The following BRD10 variants were observed in gnomAD, a reference collection of about 807,000 sequenced individuals.
BRD10 encodes bromodomain containing 10, also known as uncharacterized bromodomain-containing protein 10.
chr9:5,981,486 T>C, the BRD10 span, among the ~76,000 whole-genome samples: 3 of 152,220 alleles, frequency 2.0e-5, no homozygotes, highest in Non-Finnish European at 2.9e-5. Flanking sequence ...CACTGACAGA[T>C]ACGACATCCA....
At chr9:5,936,735 T>A in the BRD10 span, among the ~76,000 whole-genome samples, 1 of 152,334 alleles carries the variant, frequency 6.6e-6, no homozygotes, top group African/African-American at 2.4e-5. Flanking sequence ...GATTTTTATA[T>A]CTTCTATAAT....
chr9:5,966,006 T>C, the BRD10 span, among the ~76,000 whole-genome samples: 1 of 152,200 alleles, frequency 6.6e-6, no homozygotes, highest in Non-Finnish European at 1.5e-5. Context: ...GGCCAATGTT[T>C]ACCCAGTATT....
the BRD10 span, among the ~76,000 whole-genome samples, chr9:5,941,124 A>T: frequency 1.3e-5 from 2 of 152,170 alleles, no homozygotes; most frequent in Admixed American, 1.3e-4. Flanking sequence ...AGGGGATTAT[A>T]TGAAAAACTT....
chr9:5,957,451 C>G, the BRD10 span, among the ~76,000 whole-genome samples: 1 of 152,118 alleles, frequency 6.6e-6, no homozygotes, highest in Non-Finnish European at 1.5e-5. Context: ...AACAATACAG[C>G]CAAGTAGGTA....
the BRD10 span, among the ~76,000 whole-genome samples, chr9:5,945,796 T>A: frequency 3.9e-4 from 59 of 152,060 alleles, no homozygotes; most frequent in East Asian, 0.01. Flanking sequence ...TTAAAAAAAA[T>A]TACTGCGAAA....
chr9:5,969,664 C>T, the BRD10 span, among the ~76,000 whole-genome samples: 1 of 152,146 alleles, frequency 6.6e-6, no homozygotes, highest in African/African-American at 2.4e-5. Flanking sequence ...CTGCCTCAGC[C>T]TCCCAAGTAG....
chr9:5,956,018 G>C, the BRD10 span, among the ~76,000 whole-genome samples: 2 of 151,994 alleles, frequency 1.3e-5, no homozygotes, highest in African/African-American at 4.8e-5. Context: ...AGAAAAAACT[G>C]AATGATCTTG....
chr9:5,963,636 C>T, the BRD10 span, among the ~76,000 whole-genome samples: 5 of 152,214 alleles, frequency 3.3e-5, no homozygotes, highest in East Asian at 3.9e-4. Flanking sequence ...GGAGGCATCA[C>T]GCTACCTGAC....
At chr9:5,995,955 AAGTCAAAAAGAAAAAC>A in the BRD10 span, among the ~76,000 whole-genome samples, 3 of 152,212 alleles carry the variant, frequency 2.0e-5, no homozygotes, top group Admixed American at 1.3e-4. Context: ...AAAATGTGAA[AAGTCAAAAAGAAAAAC>A]AGGAAAACTG....
At chr9:5,903,556 G>A in the BRD10 span, among the ~76,000 whole-genome samples, 1 of 152,112 alleles carries the variant, frequency 6.6e-6, no homozygotes, top group Non-Finnish European at 1.5e-5. Flanking sequence ...TTTACCTGCT[G>A]GCTTTGTGTT....
At chr9:5,932,807 T>C in the BRD10 span, among the ~76,000 whole-genome samples, 1 of 152,160 alleles carries the variant, frequency 6.6e-6, no homozygotes, top group Non-Finnish European at 1.5e-5. Flanking sequence ...ACAAAGACAA[T>C]TCCTAAAGAA....
the BRD10 span, among the ~76,000 whole-genome samples, chr9:5,995,094 T>C: frequency 6.6e-6 from 1 of 151,878 alleles, no homozygotes; most frequent in African/African-American, 2.4e-5. Context: ...AGAGACGGGG[T>C]TTCTCCATGT....
chr9:5,949,136 T>C, the BRD10 span, among the ~76,000 whole-genome samples: 1 of 152,180 alleles, frequency 6.6e-6, no homozygotes, highest in African/African-American at 2.4e-5. Flanking sequence ...GTTAAAAATA[T>C]TCATTTTAAG....
chr9:5,969,831 C>G, the BRD10 span, among the ~76,000 whole-genome samples: 1 of 152,206 alleles, frequency 6.6e-6, no homozygotes, highest in African/African-American at 2.4e-5. Context: ...CAGGCATGAG[C>G]TACTGTGCCC....
chr9:6,003,994 C>A, the BRD10 span, among the ~76,000 whole-genome samples: 1 of 152,156 alleles, frequency 6.6e-6, no homozygotes, highest in Non-Finnish European at 1.5e-5. Flanking sequence ...TTTGTAGTTT[C>A]CAGAAATACT....
the BRD10 span, chr9:5,954,173 T>C: frequency 9.2e-6 from 7 of 763,722 alleles, no homozygotes; most frequent in Non-Finnish European, 1.5e-5. Context: ...ACGCAGATCC[T>C]TGAAAGTTAA....
At chr9:5,964,060 C>A in the BRD10 span, among the ~76,000 whole-genome samples, 1 of 152,030 alleles carries the variant, frequency 6.6e-6, no homozygotes, top group Non-Finnish European at 1.5e-5. Flanking sequence ...CAAATGGGAT[C>A]TAATTCAACT....
the BRD10 span, among the ~76,000 whole-genome samples, chr9:5,977,707 C>T: frequency 2.0e-5 from 3 of 152,042 alleles, no homozygotes; most frequent in African/African-American, 4.8e-5. Flanking sequence ...TGGTGGCAAG[C>T]GCCTGTAGTC....
chr9:5,938,535 C>G, the BRD10 span, among the ~76,000 whole-genome samples: 1 of 152,170 alleles, frequency 6.6e-6, no homozygotes, highest in Non-Finnish European at 1.5e-5. Flanking sequence ...AATTCCTTGA[C>G]TATAGGAACT....
Sources: allele counts gnomAD v4.1 joint callset (sites outside exome capture counted in the v4.1 genomes callset), GRCh38; gene constraint gnomAD v4.1.1; transcripts MANE v1.5; gene names NCBI Gene and HGNC (gene_info 2026-07-23, HGNC 2026-07-21).